The following SLC7A5 variants were observed in gnomAD, a reference collection of about 807,000 sequenced individuals.
SLC7A5 encodes large neutral amino acids transporter small subunit 1.
SLC7A5 carries 23 observed loss-of-function variants against 50.2 expected under a neutral mutation model. The ratio of observed to expected loss-of-function variants is 0.46; its 90% CI spans 0.33 to 0.65. The LOEUF (loss-of-function observed/expected upper bound fraction) is 0.65. Ranked by LOEUF, SLC7A5 falls within the 30% of genes least tolerant of loss-of-function variation. The probability of loss-of-function intolerance (pLI) is 0.02; values close to 1 mark genes in which losing one functional copy is unlikely to be tolerated. For synonymous variants in SLC7A5, 393 were observed against 330.6 expected (o/e 1.19, Z -2.05); for missense variants, 578 against 684.4 (o/e 0.84, Z 1.73).
At chr16:87,840,315 G>A (rs2055066884) in intron 4 of SLC7A5, 114 bp downstream of exon 4, 8 of 965,612 alleles carry the variant, frequency 8.3e-6, no homozygotes, top group East Asian at 2.4e-5. Context: ...CCCCAATCAC[G>A]GCCCGACTGT....
Position 87,838,773 on chromosome 16 carries a change from G to C in SLC7A5, c.984C>G (p.Pro328=), listed in dbSNP as rs33936442. The part of the protein sequence containing the change: ...YHLGVMSWII[P]VFVGLSCFGS... ...CGAAGCAGGACAGGCCCACGAAGAC[G>C]GGGATGATCCAGGACATGACGCCCA... is the stretch of plus-strand genomic sequence containing the variant. Residue 328 remains proline, a synonymous_variant, in exon 6 of 10, where the codon CCC becomes CCG. Coordinates refer to ENST00000261622, the MANE Select transcript of SLC7A5 (RefSeq NM_003486.7). The C allele has an allele frequency of 5.6e-6, 9 of 1,613,920 alleles. No individual in the cohort carries two copies. The highest frequency in any genetic ancestry group is 6.8e-6 in the Non-Finnish European group (8 of 1,180,022).
At chr16:87,842,539 T>A (rs1435631654) in intron 2 of SLC7A5, among the ~76,000 whole-genome samples, 2 of 152,242 alleles carry the variant, frequency 1.3e-5, no homozygotes, top group East Asian at 3.8e-4. Context: ...CCCTTCCTGA[T>A]GGGTGGACCC....
Position 87,851,790 on chromosome 16 carries a change from A to G in SLC7A5, c.598T>C (p.Phe200Leu). 1 of 1,613,124 alleles carries G rather than the reference A, an allele frequency of 6.2e-7. No homozygotes were observed. The highest frequency in any genetic ancestry group is 8.5e-7 in the Non-Finnish European group (1 of 1,179,954). Residue 200 changes from phenylalanine to leucine, a missense_variant, in exon 2 of 10, where the codon TTT becomes CTT. Physicochemically the swap from Phe to Leu is conservative, Grantham distance 22 (BLOSUM62 0). Around this residue, in one of 2 missense-constraint regions of SLC7A5, gnomAD observed 465 missense variants for 594.6 expected, o/e 0.78. Transcript: ENST00000261622. ...AGGGCCAGGAGCTTGGCGGCGGCAAAGGCATCCTGGACCCGGGTGGCGGCC... is the reference window on the plus strand; with the variant it reads ...AGGGCCAGGAGCTTGGCGGCGGCAAGGGCATCCTGGACCCGGGTGGCGGCC... ...VKAATRVQDAFAAAKLLALAL... is the reference protein window; with the variant it reads ...VKAATRVQDALAAAKLLALAL...
At chr16:87,835,788 C>T (rs2054995224) in intron 8 of SLC7A5, among the ~76,000 whole-genome samples, 1 of 152,314 alleles carries the variant, frequency 6.6e-6, no homozygotes, top group East Asian at 1.9e-4. Flanking sequence ...GCCCGTTCAA[C>T]AGCATTCACA....
intron 8 of SLC7A5, among the ~76,000 whole-genome samples, chr16:87,835,567 A>G (rs1173738246): frequency 6.6e-6 from 1 of 152,160 alleles, no homozygotes; most frequent in Non-Finnish European, 1.5e-5. Context: ...TCGGCCTCCC[A>G]GGTTCATGCC....
intron 7 of SLC7A5, chr16:87,836,903 G>T: frequency 1.9e-6 from 1 of 514,854 alleles, no homozygotes. Context: ...GAGGAGAGGA[G>T]GAAATGGAGA....
chr16:87,849,085 T>A (rs2055188326), intron 2 of SLC7A5, among the ~76,000 whole-genome samples: 1 of 152,220 alleles, frequency 6.6e-6, no homozygotes, highest in South Asian at 2.1e-4. Flanking sequence ...CTGCCAGATT[T>A]TCGCTGCATT....
At chr16:87,854,795 C>T (rs968665220) in intron 1 of SLC7A5, among the ~76,000 whole-genome samples, 3 of 152,266 alleles carry the variant, frequency 2.0e-5, no homozygotes, top group Admixed American at 6.5e-5. Flanking sequence ...CTTCCCCGTC[C>T]TCACCTGGCT....
chr16:87,837,562 C>A, intron 7 of SLC7A5: 1 of 463,170 alleles, frequency 2.2e-6, no homozygotes, highest in Non-Finnish European at 4.0e-6. Context: ...CACGGAGGTG[C>A]AGTGAGCCAG....
At chr16:87,835,763 C>A (rs186229237) in intron 8 of SLC7A5, among the ~76,000 whole-genome samples, 2 of 152,148 alleles carry the variant, frequency 1.3e-5, no homozygotes, top group Non-Finnish European at 2.9e-5. Context: ...CGTGAGCCAC[C>A]GCGCCCAGCC....
At chr16:87,859,358 C>G (rs2143817337) in intron 1 of SLC7A5, among the ~76,000 whole-genome samples, 1 of 152,302 alleles carries the variant, frequency 6.6e-6, no homozygotes, top group South Asian at 2.1e-4. Flanking sequence ...GAGCCGTGGA[C>G]AGAATCCTGC....
chr16:87,863,218 G>C (rs1210097838), intron 1 of SLC7A5, among the ~76,000 whole-genome samples: 6 of 152,166 alleles, frequency 3.9e-5, no homozygotes, highest in African/African-American at 7.2e-5. Context: ...CTTCTTCTGA[G>C]AGCACCTCCC....
At chr16:87,839,589 GC>G in intron 5 of SLC7A5, 112 bp downstream of exon 5, 1 of 1,495,210 alleles carries the variant, frequency 6.7e-7, no homozygotes, top group Non-Finnish European at 9.2e-7. Flanking sequence ...GAGACGCGGG[GC>G]CCCCTCTGCG....
chr16:87,851,650 G>C, intron 2 of SLC7A5, 74 bp downstream of exon 2: 1 of 1,564,234 alleles, frequency 6.4e-7, no homozygotes, highest in Non-Finnish European at 8.7e-7. Context: ...CCGGGGACGG[G>C]ACCTCATGCC....
chr16:87,867,485 G>C (rs539219643), intron 1 of SLC7A5, among the ~76,000 whole-genome samples: 11 of 152,164 alleles, frequency 7.2e-5, no homozygotes, highest in African/African-American at 2.7e-4. Context: ...CAGAGCCTCA[G>C]AGAAACCACA....
At chr16:87,868,350 T>C (rs74039993) in intron 1 of SLC7A5, among the ~76,000 whole-genome samples, 26,099 of 151,814 alleles carry the variant, frequency 0.17, 3,240 homozygotes, top group African/African-American at 0.35. Context: ...TTAGCCTAAA[T>C]CAGCACCAGT....
At chr16:87,843,388 A>G (rs2055107684) in intron 2 of SLC7A5, among the ~76,000 whole-genome samples, 3 of 32,828 alleles carry the variant, frequency 9.1e-5, no homozygotes, top group Non-Finnish European at 1.2e-4. Context: ...TTTTTTTTTG[A>G]GACAGAGTTC....
At chr16:87,868,333 G>A (rs2055489400) in intron 1 of SLC7A5, among the ~76,000 whole-genome samples, 2 of 152,036 alleles carry the variant, frequency 1.3e-5, no homozygotes, top group Admixed American at 1.3e-4. Flanking sequence ...CCCTCAGGGG[G>A]GATCCCTTAG....
At chr16:87,857,023 G>C (rs1455154135) in intron 1 of SLC7A5, among the ~76,000 whole-genome samples, 3 of 152,150 alleles carry the variant, frequency 2.0e-5, no homozygotes, top group Non-Finnish European at 2.9e-5. Context: ...TCCAGAAAAT[G>C]AATGTGTCTG....
Sources: gnomAD v4.1 joint callset for allele counts (sites outside exome capture counted in the v4.1 genomes callset) on GRCh38, gnomAD v4.1.1 for gene constraint, gnomAD v4.1.1 regional missense constraint, MANE v1.5 for transcripts, NCBI Gene and HGNC (gene_info 2026-07-23, HGNC 2026-07-21) for gene names.